RNF34: variants seen among roughly 807,000 people sequenced by gnomAD.
The protein encoded by RNF34 is E3 ubiquitin-protein ligase RNF34.
In RNF34, 12 loss-of-function variants were observed where a neutral mutation model predicts 37.9. The ratio of observed to expected loss-of-function variants is 0.32; its 90% CI spans 0.20 to 0.51. The LOEUF is 0.51. Among genes scored for constraint, RNF34 ranks in the 20% least tolerant of loss-of-function variants. The pLI, the probability that RNF34 is intolerant of heterozygous loss-of-function variation, is 0.97. For synonymous variants in RNF34, 155 were observed against 177.2 expected, an observed-to-expected ratio of 0.87 and a Z score of 1.00; for missense variants, 362 against 472.7, an observed-to-expected ratio of 0.77 and a Z score of 2.17.
chr12:121,412,335 G>A (rs1474079584), intron 1 of RNF34, among the ~76,000 whole-genome samples: 3 of 148,346 alleles, frequency 2.0e-5, no homozygotes, highest in African/African-American at 7.5e-5. Flanking sequence ...TGCCTCCCGG[G>A]TTCACGCCAT....
At chr12:121,412,918 T>C (rs1374678960) in intron 1 of RNF34, among the ~76,000 whole-genome samples, 2 of 151,922 alleles carry the variant, frequency 1.3e-5, no homozygotes, top group African/African-American at 4.8e-5. Context: ...GGTTTCACCA[T>C]GTTGGCCAGG....
chr12:121,403,117 C>G (rs373551359), intron 1 of RNF34, among the ~76,000 whole-genome samples: 3 of 152,152 alleles, frequency 2.0e-5, no homozygotes, highest in Non-Finnish European at 4.4e-5. Context: ...GATAAAGAGG[C>G]CGGGCGCGGT....
chr12:121,404,157 G>A (rs1210239572), intron 1 of RNF34, among the ~76,000 whole-genome samples: 6 of 142,672 alleles, frequency 4.2e-5, no homozygotes, highest in Non-Finnish European at 7.4e-5. Context: ...TGCCATGCCC[G>A]GCTAATTTTT....
chr12:121,412,972 G>A (rs928698077), intron 1 of RNF34, among the ~76,000 whole-genome samples: 4 of 151,612 alleles, frequency 2.6e-5, no homozygotes, highest in African/African-American at 9.7e-5. Flanking sequence ...CCCCACCTCT[G>A]CCTCCCAAAG....
intron 1 of RNF34, among the ~76,000 whole-genome samples, chr12:121,403,600 C>T (rs56174403): frequency 0.19 from 29,028 of 151,942 alleles, 4,286 homozygotes; most frequent in African/African-American, 0.41. Context: ...TTTTAGCAAA[C>T]TGAAGGTTGT....
chr12:121,416,732 C>T (rs932481059), intron 2 of RNF34: 21 of 199,486 alleles, frequency 1.1e-4, no homozygotes, highest in Non-Finnish European at 1.7e-4. Flanking sequence ...AAAAGTATCC[C>T]GTACCTTAAC....
At chr12:121,413,215 C>T (rs1035778367) in intron 1 of RNF34, among the ~76,000 whole-genome samples, 9 of 151,474 alleles carry the variant, frequency 5.9e-5, no homozygotes, top group South Asian at 2.1e-4. Context: ...TTAGTAGAGA[C>T]GGCGTTTCGC....
chr12:121,409,945 C>T (rs1555281173), intron 1 of RNF34, among the ~76,000 whole-genome samples: 1 of 151,550 alleles, frequency 6.6e-6, no homozygotes, highest in Non-Finnish European at 1.5e-5. Flanking sequence ...CATCTGAGGT[C>T]AGGAGTTCGA....
At chr12:121,418,107 A>G in intron 3 of RNF34, 196 bp downstream of exon 3, 4 of 614,062 alleles carry the variant, frequency 6.5e-6, no homozygotes, top group Non-Finnish European at 1.1e-5. Flanking sequence ...GTGGCTCCAA[A>G]GTCTGCTGTC....
chr12:121,417,475 G>T lies in RNF34; in HGVS notation c.226-29G>T. 1 of 1,583,832 alleles carries T rather than the reference G, an allele frequency of 6.3e-7. No individual in the cohort carries two copies. The highest frequency in any genetic ancestry group is 8.6e-7 in the Non-Finnish European group (1 of 1,163,302). On this transcript the variant is annotated intron_variant, in intron 2 of 5. Coordinates refer to ENST00000361234, the MANE Select transcript of RNF34 (RefSeq NM_025126.4). The surrounding 1 kb of genome is among the most constrained non-coding windows in gnomAD (Gnocchi z 5.0). ...ATGCTTTCATAATGGTTTATATCTT[G>T]CTGTCATCAAATGCTTTTCTTTCTT...
At chr12:121,410,355 G>T (rs943898582) in intron 1 of RNF34, among the ~76,000 whole-genome samples, 4 of 152,058 alleles carry the variant, frequency 2.6e-5, no homozygotes, top group Non-Finnish European at 1.5e-5. Context: ...TGGACAACAT[G>T]GTGAAACCCC....
chr12:121,401,232 A>G (rs1869961637), intron 1 of RNF34, among the ~76,000 whole-genome samples: 1 of 152,042 alleles, frequency 6.6e-6, no homozygotes, highest in Non-Finnish European at 1.5e-5. Context: ...GTTAGCCAAG[A>G]GGGAGACATG....
chr12:121,403,435 A>G (rs1481026602), intron 1 of RNF34, among the ~76,000 whole-genome samples: 1 of 151,342 alleles, frequency 6.6e-6, no homozygotes, highest in Non-Finnish European at 1.5e-5. Flanking sequence ...AAGGATAAAG[A>G]TTTTGCTTTT....
intron 3 of RNF34, chr12:121,418,242 T>C (rs1871761537): frequency 4.0e-6 from 1 of 249,868 alleles, no homozygotes; most frequent in Non-Finnish European, 7.7e-6. Context: ...TGTAGTGTTA[T>C]GTGTTAGTGC....
At position 121,423,361 on chromosome 12, in the gene RNF34, G is replaced by GC. The variant is rs782650657; in HGVS notation, c.929-23dup. ...CTGACTGGCCATGCCTGAAGCCGAG[G>GC]CCTTAGCTCTCTGTTGCCTTTCAGA... On this transcript the variant is annotated intron_variant, in intron 5 of 5. Coordinates refer to ENST00000361234, the MANE Select transcript of RNF34 (RefSeq NM_025126.4). This position sits in a 1 kb window ranked among gnomAD's most constrained non-coding sequence, Gnocchi z 4.3. 2 of 1,572,126 alleles carry GC rather than the reference G, an allele frequency of 1.3e-6. No homozygotes were observed. Among genetic ancestry groups the GC allele is most frequent in the Non-Finnish European group, 1.7e-6 (2 of 1,155,872 alleles).
At chr12:121,404,240 C>T (rs1870287636) in intron 1 of RNF34, among the ~76,000 whole-genome samples, 1 of 151,268 alleles carries the variant, frequency 6.6e-6, no homozygotes, top group Non-Finnish European at 1.5e-5. Context: ...CTCCTGAGCT[C>T]AGGCAGTCCA....
At chr12:121,421,123 T>TTC (rs1872088173) in intron 5 of RNF34, among the ~76,000 whole-genome samples, 1 of 152,044 alleles carries the variant, frequency 6.6e-6, no homozygotes, top group African/African-American at 2.4e-5. Context: ...AGTACCTTGG[T>TTC]TCTCTCAACT....
At chr12:121,420,190 T>G in intron 3 of RNF34, 52 bp from the exon 4 acceptor site, 2 of 1,554,884 alleles carry the variant, frequency 1.3e-6, no homozygotes, top group Non-Finnish European at 1.8e-6. Context: ...TTTTCTCTAG[T>G]GATAAATACA....
chr12:121,403,669 T>C (rs555279401), intron 1 of RNF34, among the ~76,000 whole-genome samples: 6 of 152,284 alleles, frequency 3.9e-5, no homozygotes, highest in South Asian at 2.1e-4. Flanking sequence ...GAAGCTTTCA[T>C]TGATGGAAGA....
Sources: allele counts gnomAD v4.1 joint callset (sites outside exome capture counted in the v4.1 genomes callset), GRCh38; gene constraint gnomAD v4.1.1; non-coding constraint Gnocchi (gnomAD v3.1); transcripts MANE v1.5; gene names NCBI Gene and HGNC (gene_info 2026-07-23, HGNC 2026-07-21).